Variants in UGT1A10 observed in about 807,000 individuals in gnomAD.
UGT1A10 encodes UDP-glucuronosyltransferase 1A10.
UGT1A10 carries 49 observed loss-of-function variants against 45.8 expected under a neutral mutation model. That is an observed-to-expected ratio of 1.07 (90% CI 0.85 to 1.36). UGT1A10 has a LOEUF of 1.36. UGT1A10 is among the 40% of genes most tolerant of loss of function. The probability of loss-of-function intolerance (pLI) is 0.00; values close to 1 mark genes in which losing one functional copy is unlikely to be tolerated. For synonymous variants in UGT1A10, 284 were observed against 249.7 expected (o/e 1.14, Z -1.29); for missense variants, 745 against 668.6 (o/e 1.11, Z -1.26).
At position 233,641,009 on chromosome 2, in the gene UGT1A10, C is replaced by T. The variant is rs372798135; in HGVS notation, c.855+3632C>T. ...AATAACATAATCTTCCTGCACCCAG[C>T]GATCACCAGACCCTCAGCTGATAGA... On this transcript the variant is annotated intron_variant, in intron 1 of 4. Coordinates refer to ENST00000344644, the MANE Select transcript of UGT1A10 (RefSeq NM_019075.4). Among the ~76,000 whole-genome samples, 38 of 152,264 alleles carry T rather than the reference C, an allele frequency of 2.5e-4. No homozygotes were observed. In the South Asian group the frequency reaches 3.9e-3, roughly 16 times the overall value.
chr2:233,672,831 T>A (rs1156523567), intron 1 of UGT1A10: 1 of 1,559,894 alleles, frequency 6.4e-7, no homozygotes, highest in Middle Eastern at 1.7e-4. Flanking sequence ...TACTTCACCT[T>A]TGGAAATTAA....
intron 1 of UGT1A10, among the ~76,000 whole-genome samples, chr2:233,695,331 G>A (rs1032030630): frequency 4.8e-4 from 73 of 151,796 alleles, no homozygotes; most frequent in African/African-American, 1.7e-3. Context: ...TCACCACGTT[G>A]GCCAGGATGG....
chr2:233,745,071 G>A (rs981811501), intron 1 of UGT1A10, among the ~76,000 whole-genome samples: 3 of 151,782 alleles, frequency 2.0e-5, no homozygotes, highest in Admixed American at 1.3e-4. Flanking sequence ...TATTTGTATT[G>A]TTTTTTCATT....
At chr2:233,697,433 C>A (rs1039181362) in intron 1 of UGT1A10, among the ~76,000 whole-genome samples, 9 of 150,656 alleles carry the variant, frequency 6.0e-5, no homozygotes, top group African/African-American at 2.2e-4. Flanking sequence ...TTTCCTTTTT[C>A]ATTTCTGATT....
At chr2:233,719,166 A>G (rs569258363) in intron 1 of UGT1A10, 1 of 1,614,266 alleles carries the variant, frequency 6.2e-7, no homozygotes, top group East Asian at 2.2e-5. Flanking sequence ...AAGTATGGCA[A>G]TTATGAACAA....
At chr2:233,681,306 G>A (rs2074517814) in intron 1 of UGT1A10, among the ~76,000 whole-genome samples, 1 of 151,922 alleles carries the variant, frequency 6.6e-6, no homozygotes, top group Non-Finnish European at 1.5e-5. Flanking sequence ...GGCCGAGATG[G>A]GCAGATTGCC....
chr2:233,703,273 T>C (rs2075729887), intron 1 of UGT1A10, among the ~76,000 whole-genome samples: 1 of 152,226 alleles, frequency 6.6e-6, no homozygotes, highest in Non-Finnish European at 1.5e-5. Flanking sequence ...TTTCTGTTTC[T>C]GTAAGGTTGG....
At chr2:233,692,791 C>A in intron 1 of UGT1A10, 1 of 1,367,752 alleles carries the variant, frequency 7.3e-7, no homozygotes, top group Non-Finnish European at 9.4e-7. Flanking sequence ...CAGGTGAAAG[C>A]TGACACGGCC....
At chr2:233,718,992 G>T (rs746825567) in intron 1 of UGT1A10, 3 of 1,614,262 alleles carry the variant, frequency 1.9e-6, no homozygotes, top group Non-Finnish European at 2.5e-6. Flanking sequence ...AGGCCACCAG[G>T]CGGTGGTCCT....
rs1236460241 is a variant in UGT1A10 at position 233,729,022 on chromosome 2, G to T, written c.856-38012G>T. ...AGGGCACTCTGTCTTCCAATTACAC[G>T]TTGATTTGCTAAGTGGCTCAGTGAC... On this transcript the variant is annotated intron_variant, in intron 1 of 4. Transcript: ENST00000344644. The T allele has an allele frequency of 3.8e-6, 6 of 1,594,546 alleles. No individual in the cohort carries two copies. The East Asian group carries it at 1.1e-4, about 30-fold the overall frequency.
At chr2:233,770,445 G>A (rs1397015735) in intron 4 of UGT1A10, 1 of 152,118 alleles carries the variant, frequency 6.6e-6, no homozygotes, top group Middle Eastern at 3.2e-3. Flanking sequence ...CTTGAGGTTA[G>A]GAGTTCGAAA....
rs138626513 is a variant in UGT1A10 at position 233,772,998 on chromosome 2, C to T, written c.*439C>T. 4.0e-5 allele frequency: 10 copies of T among 249,518 alleles called. No individual in the cohort carries two copies. The East Asian group carries it at 6.9e-4, about 17-fold the overall frequency. 15.5% of individuals were successfully genotyped at this position (249,518 alleles called of 1,614,324 possible). On this transcript the variant is annotated 3_prime_UTR_variant, in exon 5 of 5. Coordinates refer to ENST00000344644, the MANE Select transcript of UGT1A10 (RefSeq NM_019075.4). ...AATAATGGTCAGTCCTCATCTCTGT[C>T]GTGCTTCATAGGTGCCACCTTGTGT...
intron 1 of UGT1A10, among the ~76,000 whole-genome samples, chr2:233,749,653 G>T (rs1694241075): frequency 1.3e-5 from 2 of 151,820 alleles, no homozygotes; most frequent in Admixed American, 6.5e-5. Context: ...ATCTTGAATT[G>T]TAATCCCCAT....
intron 1 of UGT1A10, among the ~76,000 whole-genome samples, chr2:233,753,993 T>C (rs970764565): frequency 1.4e-4 from 22 of 152,184 alleles, no homozygotes; most frequent in Admixed American, 1.4e-3. Context: ...GCCACCAAGT[T>C]TGGGTAATTT....
chr2:233,663,221 G>T (rs1422032875), intron 1 of UGT1A10, among the ~76,000 whole-genome samples: 2 of 152,164 alleles, frequency 1.3e-5, no homozygotes, highest in Non-Finnish European at 2.9e-5. Flanking sequence ...TAACAAGACA[G>T]GGGAATTGCA....
chr2:233,652,021 T>C (rs923223186), intron 1 of UGT1A10, among the ~76,000 whole-genome samples: 3 of 152,082 alleles, frequency 2.0e-5, no homozygotes, highest in Non-Finnish European at 2.9e-5. Flanking sequence ...ACTGCCAGGC[T>C]TTTTTAGTTT....
chr2:233,650,602 T>C (rs1324203047), intron 1 of UGT1A10, among the ~76,000 whole-genome samples: 1 of 152,232 alleles, frequency 6.6e-6, no homozygotes, highest in African/African-American at 2.4e-5. Context: ...AAATTTCTTT[T>C]GACCATTTTT....
At chr2:233,682,616 G>A in intron 1 of UGT1A10, 2 of 1,613,848 alleles carry the variant, frequency 1.2e-6, no homozygotes, top group Non-Finnish European at 1.7e-6. Context: ...TTTCAAAAAT[G>A]TCTTAGAAAT....
chr2:233,721,160 T>G (rs1327409494), intron 1 of UGT1A10, among the ~76,000 whole-genome samples: 1 of 152,228 alleles, frequency 6.6e-6, no homozygotes. Context: ...CACTAAACTT[T>G]ATTTTTGTTT....
Sources: gnomAD v4.1 joint callset for allele counts (sites outside exome capture counted in the v4.1 genomes callset) on GRCh38, gnomAD v4.1.1 for gene constraint, MANE v1.5 for transcripts, NCBI Gene and HGNC (gene_info 2026-07-23, HGNC 2026-07-21) for gene names.